ASTN2: variants seen among roughly 807,000 people sequenced by gnomAD.
ASTN2 encodes the protein astrotactin-2.
A neutral mutation model predicts 139.8 loss-of-function variants in ASTN2; 54 were observed. That is an observed-to-expected ratio of 0.39 (90% CI 0.31 to 0.48). ASTN2 has a LOEUF of 0.48. ASTN2 is among the 20% of genes least tolerant of loss of function. The pLI is 0.95. For synonymous variants in ASTN2, 756 were observed against 719.5 expected, an observed-to-expected ratio of 1.05 and a Z score of -0.81; for missense variants, 1,565 against 1,725.1, an observed-to-expected ratio of 0.91 and a Z score of 1.64.
intron 2 of ASTN2, among the ~76,000 whole-genome samples, chr9:117,216,507 G>A (rs144015956): frequency 6.6e-6 from 1 of 152,288 alleles, no homozygotes; most frequent in African/African-American, 2.4e-5. Flanking sequence ...CTATAAGTAC[G>A]TGTATTTATG....
intron 1 of ASTN2, among the ~76,000 whole-genome samples, chr9:117,312,615 A>T (rs563812543): frequency 6.6e-6 from 1 of 152,320 alleles, no homozygotes; most frequent in Admixed American, 6.5e-5. Flanking sequence ...ACATGGTCAA[A>T]ATGATAAGGA....
chr9:116,930,225 T>G (rs548113855), intron 10 of ASTN2, among the ~76,000 whole-genome samples: 29 of 152,298 alleles, frequency 1.9e-4, no homozygotes, highest in Non-Finnish European at 2.6e-4. Context: ...GCTGGTATTT[T>G]TAATCATTGC....
chr9:116,937,415 T>G (rs1835111220), intron 10 of ASTN2, among the ~76,000 whole-genome samples: 1 of 152,160 alleles, frequency 6.6e-6, no homozygotes, highest in South Asian at 2.1e-4. Flanking sequence ...CACACTTCCC[T>G]CAGATCTCAT....
intron 6 of ASTN2, among the ~76,000 whole-genome samples, chr9:117,037,304 A>T (rs1350700693): frequency 1.3e-5 from 2 of 150,278 alleles, no homozygotes; most frequent in Non-Finnish European, 3.0e-5. Flanking sequence ...AATCATCAAG[A>T]CGGTTTGCCG....
At chr9:116,980,487 C>T (rs1202899501) in intron 7 of ASTN2, among the ~76,000 whole-genome samples, 1 of 152,120 alleles carries the variant, frequency 6.6e-6, no homozygotes, top group African/African-American at 2.4e-5. Context: ...TCACCCCTAA[C>T]TCCTTACATA....
intron 20 of ASTN2, among the ~76,000 whole-genome samples, chr9:116,484,023 C>T (rs1010140772): frequency 6.6e-6 from 1 of 152,160 alleles, no homozygotes; most frequent in African/African-American, 2.4e-5. Flanking sequence ...AGACCTCTCT[C>T]CTCTACATCA....
chr9:116,573,855 G>GT (rs1853620066), intron 19 of ASTN2, among the ~76,000 whole-genome samples: 1 of 152,158 alleles, frequency 6.6e-6, no homozygotes, highest in African/African-American at 2.4e-5. Flanking sequence ...GCCAACTCCT[G>GT]TGAGTATGAT....
chr9:116,862,324 T>C (rs967102493), intron 11 of ASTN2, among the ~76,000 whole-genome samples: 3 of 152,126 alleles, frequency 2.0e-5, no homozygotes, highest in Non-Finnish European at 2.9e-5. Flanking sequence ...TGGGTACTTC[T>C]GGGGTGTTGA....
At chr9:116,764,280 G>A (rs1355466453) in intron 13 of ASTN2, among the ~76,000 whole-genome samples, 4 of 152,084 alleles carry the variant, frequency 2.6e-5, no homozygotes, top group South Asian at 4.1e-4. Flanking sequence ...GCCCCTGCTC[G>A]GTATGACCCA....
intron 19 of ASTN2, among the ~76,000 whole-genome samples, chr9:116,526,171 G>C (rs943395590): frequency 6.6e-6 from 1 of 152,146 alleles, no homozygotes; most frequent in African/African-American, 2.4e-5. Flanking sequence ...TCACAAAAAG[G>C]ATAAAAGAAG....
chr9:116,732,221 T>G (rs978850191), intron 14 of ASTN2, among the ~76,000 whole-genome samples: 1 of 152,138 alleles, frequency 6.6e-6, no homozygotes, highest in African/African-American at 2.4e-5. Context: ...CACGTGGCCT[T>G]GGATTAGTTC....
chr9:116,570,565 T>G (rs1444751354), intron 19 of ASTN2, among the ~76,000 whole-genome samples: 1 of 152,120 alleles, frequency 6.6e-6, no homozygotes, highest in East Asian at 1.9e-4. Flanking sequence ...CCGGCTAATT[T>G]TTTTTGTATT....
intron 16 of ASTN2, among the ~76,000 whole-genome samples, chr9:116,674,390 G>A (rs915758634): frequency 2.0e-4 from 30 of 152,172 alleles, no homozygotes; most frequent in African/African-American, 6.3e-4. Context: ...TGGCCCTGCC[G>A]GCATTTATTC....
intron 7 of ASTN2, among the ~76,000 whole-genome samples, chr9:116,978,944 G>C (rs952874332): frequency 6.6e-6 from 1 of 152,178 alleles, no homozygotes. Context: ...GTAGTAAATA[G>C]AATACTAGGG....
intron 13 of ASTN2, among the ~76,000 whole-genome samples, chr9:116,788,195 A>G (rs1830429802): frequency 6.6e-6 from 1 of 152,116 alleles, no homozygotes; most frequent in East Asian, 1.9e-4. Context: ...GAGATGAAGA[A>G]TAGGGAGAGA....
In ASTN2 at chr9:116,680,200, C is replaced by T. The variant is rs1485651438; in HGVS notation, c.2807-28407G>A. Among the ~76,000 whole-genome samples the T allele has an allele frequency of 3.3e-5, 5 of 151,880 alleles. No individual in the cohort carries two copies. In the East Asian group the frequency reaches 5.8e-4, roughly 18 times the overall value. The stretch of plus-strand genomic sequence containing the variant: ...AAAATGATAAAGGGGATATCACCAC[C>T]GATCCCACGGAAATACAAACTACCA... On this transcript the variant is annotated intron_variant, in intron 16 of 22. Transcript: ENST00000313400.
At chr9:116,546,932 C>A (rs1335775333) in intron 19 of ASTN2, among the ~76,000 whole-genome samples, 1 of 152,178 alleles carries the variant, frequency 6.6e-6, no homozygotes, top group Non-Finnish European at 1.5e-5. Context: ...CTTTACCCAG[C>A]TGCCCGCAGC....
chr9:116,774,841 A>G (rs993030646), intron 13 of ASTN2, among the ~76,000 whole-genome samples: 2 of 152,172 alleles, frequency 1.3e-5, no homozygotes, highest in Non-Finnish European at 1.5e-5. Flanking sequence ...CCTTCGGTAT[A>G]AATGTACACC....
At chr9:117,236,857 C>T (rs146371509) in intron 2 of ASTN2, among the ~76,000 whole-genome samples, 7 of 152,264 alleles carry the variant, frequency 4.6e-5, no homozygotes, top group East Asian at 1.9e-4. Context: ...CTAGTTATAG[C>T]GTCTAACACC....
Sources: gnomAD v4.1 joint callset for allele counts (sites outside exome capture counted in the v4.1 genomes callset) on GRCh38, gnomAD v4.1.1 for gene constraint, MANE v1.5 for transcripts, NCBI Gene and HGNC (gene_info 2026-07-23, HGNC 2026-07-21) for gene names.